The following CGNL1 variants were observed in gnomAD, a reference collection of about 807,000 sequenced individuals.
CGNL1 encodes cingulin-like protein 1.
In CGNL1, 132 loss-of-function variants were observed where a neutral mutation model predicts 141.2. The observed-to-expected ratio is 0.93, with a 90% CI of 0.81 to 1.08. The LOEUF (loss-of-function observed/expected upper bound fraction) is 1.08. CGNL1 is among the 50% of genes least tolerant of loss of function. The pLI is 0.00. For missense variants in CGNL1, 1,870 were observed against 1,588.6 expected (o/e 1.18, Z -3.01); for synonymous variants, 690 against 622.1 (o/e 1.11, Z -1.63).
chr15:57,547,686 A>C lies in CGNL1; in HGVS notation c.*196A>C. 1 of 561,918 alleles carries C rather than the reference A, an allele frequency of 1.8e-6. No individual in the cohort carries two copies. Among genetic ancestry groups the C allele is most frequent in the Non-Finnish European group, 3.0e-6 (1 of 337,882 alleles). 34.8% of individuals were successfully genotyped at this position (561,918 alleles called of 1,614,324 possible). ...TTCGACAGAGAGCTTTTGCAGTTTA[A>C]AATGTTGGGATGCCTGAGGACCAGG... On this transcript the variant is annotated 3_prime_UTR_variant, in exon 19 of 19. Coordinates refer to ENST00000281282, the MANE Select transcript of CGNL1 (RefSeq NM_032866.5).
At position 57,544,614 on chromosome 15, in the gene CGNL1, C is replaced by T. The variant is rs1246757822; in HGVS notation, c.3500+17C>T. On this transcript the variant is annotated intron_variant, in intron 16 of 18. Transcript: ENST00000281282. ...TGAGGAGAGGTGAGCCGGGCCCACC[C>T]ACTGCAGTGCGGAGGCCCCAGTGGG... 9 of 1,561,772 alleles carry T rather than the reference C, an allele frequency of 5.8e-6. No homozygotes were observed. Among genetic ancestry groups the T allele is most frequent in the Non-Finnish European group, 7.8e-6 (9 of 1,152,638 alleles).
intron 1 of CGNL1, among the ~76,000 whole-genome samples, chr15:57,395,520 C>G (rs1342365285): frequency 1.3e-5 from 2 of 152,208 alleles, no homozygotes; most frequent in African/African-American, 2.4e-5. Context: ...GCCTTTGCGT[C>G]TGGCCTTGAC....
chr15:57,506,474 A>G (rs2064104598), intron 8 of CGNL1, among the ~76,000 whole-genome samples: 1 of 152,246 alleles, frequency 6.6e-6, no homozygotes. Flanking sequence ...GGTGTTAAAA[A>G]AACAAAGCAA....
intron 8 of CGNL1, among the ~76,000 whole-genome samples, chr15:57,471,113 A>G (rs1000054283): frequency 1.1e-4 from 17 of 152,320 alleles, no homozygotes; most frequent in African/African-American, 3.8e-4. Flanking sequence ...AATACATTTC[A>G]CTTATTCAGT....
intron 8 of CGNL1, among the ~76,000 whole-genome samples, chr15:57,498,062 C>G (rs1208598194): frequency 6.6e-6 from 1 of 152,088 alleles, no homozygotes; most frequent in Non-Finnish European, 1.5e-5. Context: ...ACTGCCTTTC[C>G]CTTCCCTCTG....
intron 1 of CGNL1, among the ~76,000 whole-genome samples, chr15:57,386,060 C>A (rs367778739): frequency 6.6e-6 from 1 of 152,234 alleles, no homozygotes; most frequent in African/African-American, 2.4e-5. Flanking sequence ...TTATTGATGC[C>A]TCTGGGTTTC....
intron 8 of CGNL1, among the ~76,000 whole-genome samples, chr15:57,493,967 A>G (rs1175826238): frequency 2.6e-5 from 4 of 152,242 alleles, no homozygotes; most frequent in Non-Finnish European, 5.9e-5. Context: ...TCTCTCCTAA[A>G]TATGTGTAGA....
chr15:57,480,521 A>G (rs1265536874), intron 8 of CGNL1, among the ~76,000 whole-genome samples: 1 of 152,262 alleles, frequency 6.6e-6, no homozygotes, highest in East Asian at 1.9e-4. Context: ...CTCTGTCTCA[A>G]AAAAAGAAAA....
At chr15:57,512,768 A>C (rs2030428509) in intron 8 of CGNL1, among the ~76,000 whole-genome samples, 1 of 152,142 alleles carries the variant, frequency 6.6e-6, no homozygotes, top group Admixed American at 6.5e-5. Flanking sequence ...CGGGTGAATG[A>C]AAGGGTGCTG....
At chr15:57,406,263 G>A (rs1168179493) in intron 1 of CGNL1, among the ~76,000 whole-genome samples, 2 of 152,196 alleles carry the variant, frequency 1.3e-5, no homozygotes, top group African/African-American at 2.4e-5. Context: ...GAAGGGCACT[G>A]TGAAGAGGGG....
chr15:57,384,010 G>C (rs1040040973), intron 1 of CGNL1, among the ~76,000 whole-genome samples: 7 of 137,332 alleles, frequency 5.1e-5, no homozygotes, highest in Non-Finnish European at 9.3e-5. Context: ...GTTGTGGCCA[G>C]ACTAGCTCAG....
rs1270012796 is a variant in CGNL1, at chr15:57,550,242, C to T, written c.*2752C>T. 1 of 152,456 alleles carries T rather than the reference C, an allele frequency of 6.6e-6. No individual in the cohort carries two copies. The highest frequency in any genetic ancestry group is 1.5e-5 in the Non-Finnish European group (1 of 68,038). 9.4% of individuals were successfully genotyped at this position (152,456 alleles called of 1,614,324 possible). ...AGTTAAGAGAAGGGTTTTCAAGTCC[C>T]GGCTCATCTCACCCCAGTGACTTTG... On this transcript the variant is annotated 3_prime_UTR_variant, in exon 19 of 19. Coordinates refer to ENST00000281282, the MANE Select transcript of CGNL1 (RefSeq NM_032866.5).
intron 1 of CGNL1, among the ~76,000 whole-genome samples, chr15:57,381,763 G>A (rs781482043): frequency 3.2e-4 from 49 of 151,932 alleles, no homozygotes; most frequent in African/African-American, 1.5e-4. Context: ...CCTCTACCTC[G>A]TGTAAATAGG....
rs535735075 is a variant in CGNL1 at position 57,474,302 on chromosome 15, C to T, written c.2403+12410C>T. Among the ~76,000 whole-genome samples, 14 of 152,170 alleles carry T rather than the reference C, an allele frequency of 9.2e-5. 1 individual carries two copies. Among genetic ancestry groups the T allele is most frequent in the Admixed American group, 4.6e-4 (7 of 15,276 alleles). On this transcript the variant is annotated intron_variant, in intron 8 of 18. Transcript: ENST00000281282. Reference sequence around the variant, plus strand: ...CTAAGTTTTGGGACAATTTGTTATGCGGGAATAAACAACTGATAGAACATT... The same window carrying T: ...CTAAGTTTTGGGACAATTTGTTATGTGGGAATAAACAACTGATAGAACATT...
At chr15:57,422,584 A>T (rs1318246645) in intron 1 of CGNL1, among the ~76,000 whole-genome samples, 2 of 152,224 alleles carry the variant, frequency 1.3e-5, no homozygotes, top group Non-Finnish European at 2.9e-5. Context: ...TTTGGACAGC[A>T]TAGTTCGGAG....
intron 11 of CGNL1, 97 bp downstream of exon 11, chr15:57,523,738 T>G: frequency 5.4e-6 from 7 of 1,306,596 alleles, no homozygotes; most frequent in South Asian, 1.4e-5. Context: ...AAACCTGCAG[T>G]AGGTCTAAGC....
intron 8 of CGNL1, among the ~76,000 whole-genome samples, chr15:57,470,497 T>A (rs1246225749): frequency 2.0e-5 from 3 of 151,934 alleles, no homozygotes; most frequent in Non-Finnish European, 4.4e-5. Context: ...AATGGACAGA[T>A]CTCTTAGCGG....
intron 1 of CGNL1, chr15:57,407,350 A>G (rs929144223): frequency 2.0e-5 from 3 of 152,172 alleles, no homozygotes; most frequent in Non-Finnish European, 2.9e-5. Flanking sequence ...AAATGTTTAA[A>G]TAAGTAATTG....
chr15:57,433,020 T>C (rs1317451198), intron 1 of CGNL1, among the ~76,000 whole-genome samples: 6 of 152,232 alleles, frequency 3.9e-5, no homozygotes, highest in African/African-American at 1.4e-4. Flanking sequence ...AATATTTTCA[T>C]TGAAAAGTCA....
Sources: allele counts gnomAD v4.1 joint callset (sites outside exome capture counted in the v4.1 genomes callset), GRCh38; gene constraint gnomAD v4.1.1; transcripts MANE v1.5; gene names NCBI Gene and HGNC (gene_info 2026-07-23, HGNC 2026-07-21).